The following NPFFR2 variants were observed in gnomAD, a reference collection of about 807,000 sequenced individuals.
NPFFR2 encodes the protein neuropeptide FF receptor 2.
In NPFFR2, 15 loss-of-function variants were observed where a neutral mutation model predicts 13.1. The ratio of observed to expected loss-of-function variants is 1.15; its 90% CI spans 0.77 to 1.76. NPFFR2 has a LOEUF of 1.76. Ranked by LOEUF, NPFFR2 falls within the 40% of genes most tolerant of loss-of-function variation. The pLI, the probability that NPFFR2 is intolerant of heterozygous loss-of-function variation, is 0.00. For synonymous variants in NPFFR2, 190 were observed against 175.7 expected (o/e 1.08, Z -0.65); for missense variants, 572 against 503.5 (o/e 1.14, Z -1.30).
Position 72,128,915 on chromosome 4 carries a change from AG to A in NPFFR2, c.325del (p.Ala109GlnfsTer28), listed in dbSNP as rs753765078. The A allele has an allele frequency of 3.1e-5, 50 of 1,601,650 alleles. No homozygotes were observed. Among genetic ancestry groups the A allele is most frequent in the Non-Finnish European group, 4.3e-5 (50 of 1,170,630 alleles). On this transcript the variant is annotated frameshift_variant, in exon 2 of 4. Transcript: ENST00000308744. LOFTEE classifies it high-confidence loss of function. ...MPITLLDNII[A>X]GWPFGNTMCK... ...CTATAACACTGCTGGACAATATTAT[AG>A]CAGGTATGTTGGCTTTTGTGCAGTT...
chr4:72,039,875 A>G (rs1258233702), intron 1 of NPFFR2, among the ~76,000 whole-genome samples: 2 of 152,176 alleles, frequency 1.3e-5, no homozygotes, highest in African/African-American at 4.8e-5. Flanking sequence ...TTCTTTACTC[A>G]TGTCCTTACA....
At position 72,045,014 on chromosome 4, in the gene NPFFR2, A is replaced by T. The variant is rs138411137; in HGVS notation, c.-8+12814A>T. 5.6e-3 allele frequency among the ~76,000 whole-genome samples: 855 copies of T among 152,224 alleles called. 5 individuals carry two copies. The highest frequency in any genetic ancestry group is 0.02 in the African/African-American group (822 of 41,558). ...TTCCCTATTTTTTTCTAGTAATTTT[A>T]TAGTTTTAAATCTTAGATTTAAGTC... On this transcript the variant is annotated intron_variant, in intron 1 of 3. Transcript: ENST00000308744.
chr4:72,131,401 T>A (rs976151089), intron 2 of NPFFR2, among the ~76,000 whole-genome samples: 2 of 130,148 alleles, frequency 1.5e-5, no homozygotes, highest in Non-Finnish European at 1.5e-5. Context: ...AACAATGAGA[T>A]CACATGGACA....
At chr4:72,109,772 A>C (rs559615777) in intron 1 of NPFFR2, among the ~76,000 whole-genome samples, 11 of 152,004 alleles carry the variant, frequency 7.2e-5, no homozygotes, top group Non-Finnish European at 7.4e-5. Flanking sequence ...GCCATTGGCT[A>C]TAAGTGAAAA....
Position 72,088,562 on chromosome 4 carries a change from A to G in NPFFR2, c.-7-40023A>G, listed in dbSNP as rs1230109073. 2.6e-5 allele frequency among the ~76,000 whole-genome samples: 4 copies of G among 151,994 alleles called. No homozygotes were observed. In the South Asian group the frequency reaches 6.2e-4, roughly 24 times the overall value. ...AGAATTGTATTTCTTTTATTTTTTA[A>G]TTTATAAAGAAAGGAGGCTTAACTG... On this transcript the variant is annotated intron_variant, in intron 1 of 3. Coordinates refer to ENST00000308744, the MANE Select transcript of NPFFR2 (RefSeq NM_004885.3).
chr4:72,118,033 G>A (rs1020262874), intron 1 of NPFFR2, among the ~76,000 whole-genome samples: 18 of 152,132 alleles, frequency 1.2e-4, no homozygotes, highest in South Asian at 2.1e-4. Flanking sequence ...GGGGAAGGGC[G>A]AAAGTGAAAA....
chr4:72,106,580 C>G (rs1215218475), intron 1 of NPFFR2, among the ~76,000 whole-genome samples: 3 of 151,918 alleles, frequency 2.0e-5, no homozygotes, highest in Non-Finnish European at 4.4e-5. Context: ...TTCCCAGGAA[C>G]ACCTCATGAC....
chr4:72,075,508 C>T (rs1186505448), intron 1 of NPFFR2, among the ~76,000 whole-genome samples: 1 of 152,058 alleles, frequency 6.6e-6, no homozygotes. Flanking sequence ...GCCCTACTCT[C>T]AATAATGGAG....
intron 1 of NPFFR2, among the ~76,000 whole-genome samples, chr4:72,111,882 A>C (rs976701226): frequency 6.6e-6 from 1 of 152,014 alleles, no homozygotes; most frequent in African/African-American, 2.4e-5. Flanking sequence ...GCATCTCCAA[A>C]TCCTGCTAGT....
intron 1 of NPFFR2, among the ~76,000 whole-genome samples, chr4:72,117,265 T>TA (rs1721741090): frequency 1.3e-5 from 2 of 152,222 alleles, no homozygotes; most frequent in African/African-American, 4.8e-5. Flanking sequence ...AATTATCCCT[T>TA]ACAGTAGTCA....
chr4:72,057,851 C>T (rs925772772), intron 1 of NPFFR2, among the ~76,000 whole-genome samples: 5 of 151,968 alleles, frequency 3.3e-5, no homozygotes, highest in Non-Finnish European at 7.4e-5. Flanking sequence ...TGCATCCCTC[C>T]ATGCGTGATG....
chr4:72,061,755 A>G (rs7658245), intron 1 of NPFFR2, among the ~76,000 whole-genome samples: 135,502 of 151,942 alleles, frequency 0.89, 61,517 homozygotes, highest in Non-Finnish European at 0.98. Context: ...GACAGAAGGA[A>G]GGAAACATCA....
intron 1 of NPFFR2, among the ~76,000 whole-genome samples, chr4:72,054,233 A>G (rs1719675070): frequency 6.6e-6 from 1 of 151,944 alleles, no homozygotes; most frequent in South Asian, 2.1e-4. Context: ...TGGTTTACAG[A>G]TTTGCTGTAA....
chr4:72,032,366 A>G (rs1239920487), intron 1 of NPFFR2, among the ~76,000 whole-genome samples, 166 bp downstream of exon 1: 5 of 152,190 alleles, frequency 3.3e-5, no homozygotes, highest in South Asian at 2.1e-4. Flanking sequence ...CACTGGCCCA[A>G]CACTGGGGGG....
chr4:72,106,070 A>G (rs1721411471), intron 1 of NPFFR2, among the ~76,000 whole-genome samples: 1 of 152,062 alleles, frequency 6.6e-6, no homozygotes, highest in Non-Finnish European at 1.5e-5. Context: ...AATGAGTCCT[A>G]CACACTTGTA....
At chr4:72,131,457 GA>G (rs1030481639) in intron 2 of NPFFR2, among the ~76,000 whole-genome samples, 1 of 106,002 alleles carries the variant, frequency 9.4e-6, no homozygotes, top group Admixed American at 1.4e-4. Context: ...GGGGTGGGGG[GA>G]GGGGGGAGGG....
rs756727799 is a variant in NPFFR2, at chr4:72,147,550, G to A, written c.1001G>A (p.Gly334Asp). The A allele has an allele frequency of 1.9e-6, 3 of 1,614,178 alleles. No individual in the cohort carries two copies. Among genetic ancestry groups the A allele is most frequent in the East Asian group, 2.2e-5 (1 of 44,870 alleles). ...GNSSVNPIIY[G>D]FFNENFRRGF... ...AGCAGTGTCAATCCCATCATTTATGGTTTCTTCAACGAGAATTTCCGCCGT... is the reference window on the plus strand; with the variant it reads ...AGCAGTGTCAATCCCATCATTTATGATTTCTTCAACGAGAATTTCCGCCGT... Residue 334 changes from glycine to aspartate, a missense_variant, in exon 4 of 4, where the codon GGT becomes GAT. Coordinates refer to ENST00000308744, the MANE Select transcript of NPFFR2 (RefSeq NM_004885.3).
At chr4:72,053,670 A>G (rs930261078) in intron 1 of NPFFR2, among the ~76,000 whole-genome samples, 2 of 151,938 alleles carry the variant, frequency 1.3e-5, no homozygotes, top group African/African-American at 4.8e-5. Flanking sequence ...ATTATTATTT[A>G]TGATGACTTT....
At chr4:72,123,052 TA>T (rs1279899104) in intron 1 of NPFFR2, among the ~76,000 whole-genome samples, 2 of 151,754 alleles carry the variant, frequency 1.3e-5, no homozygotes, top group Non-Finnish European at 2.9e-5. Context: ...ATAGACACAA[TA>T]AAAAATTATA....
Sources: allele counts gnomAD v4.1 joint callset (sites outside exome capture counted in the v4.1 genomes callset), GRCh38; gene constraint gnomAD v4.1.1; transcripts MANE v1.5; gene names NCBI Gene and HGNC (gene_info 2026-07-23, HGNC 2026-07-21).